The following EIF2A variants were observed in gnomAD, a reference collection of about 807,000 sequenced individuals.
EIF2A encodes eukaryotic translation initiation factor 2A.
A neutral mutation model predicts 75.2 loss-of-function variants in EIF2A; 62 were observed. That is an observed-to-expected ratio of 0.82 (90% CI 0.67 to 1.02). The LOEUF (loss-of-function observed/expected upper bound fraction) is 1.02. Among genes scored for constraint, EIF2A ranks in the 50% least tolerant of loss-of-function variants. The pLI is 0.00. For missense variants in EIF2A, 611 were observed against 677.7 expected, an observed-to-expected ratio of 0.90 and a Z score of 1.09; for synonymous variants, 207 against 239.0, an observed-to-expected ratio of 0.87 and a Z score of 1.23.
At chr3:150,574,317 C>T (rs1016449113) in intron 10 of EIF2A, among the ~76,000 whole-genome samples, 1 of 152,010 alleles carries the variant, frequency 6.6e-6, no homozygotes, top group Non-Finnish European at 1.5e-5. Context: ...GGATTTTTTT[C>T]GTCTCAAGTG....
At chr3:150,563,762 A>C (rs1229821666) in intron 5 of EIF2A, 148 bp downstream of exon 5, 2 of 645,760 alleles carry the variant, frequency 3.1e-6, no homozygotes, top group Non-Finnish European at 5.1e-6. Context: ...GGAATGTAAT[A>C]GAGCAAAAAC....
At chr3:150,551,158 G>A (rs923584190) in intron 1 of EIF2A, among the ~76,000 whole-genome samples, 1 of 152,124 alleles carries the variant, frequency 6.6e-6, no homozygotes, top group South Asian at 2.1e-4. Flanking sequence ...CCATTTTTAG[G>A]TTAAAACTCT....
intron 12 of EIF2A, 117 bp from the exon 13 acceptor site, chr3:150,583,083 G>T: frequency 1.2e-6 from 1 of 849,230 alleles, no homozygotes; most frequent in Non-Finnish European, 1.8e-6. Context: ...ACAGACCATT[G>T]TTGATACAAA....
intron 1 of EIF2A, among the ~76,000 whole-genome samples, chr3:150,550,520 A>G (rs1723263380): frequency 6.6e-6 from 1 of 152,188 alleles, no homozygotes; most frequent in Non-Finnish European, 1.5e-5. Context: ...TTTAATAGAA[A>G]AACTAATTAA....
At chr3:150,551,637 A>C (rs1723321786) in intron 1 of EIF2A, among the ~76,000 whole-genome samples, 1 of 151,976 alleles carries the variant, frequency 6.6e-6, no homozygotes, top group Admixed American at 6.6e-5. Flanking sequence ...CTGAGCCAGG[A>C]GCATCACTTA....
intron 3 of EIF2A, among the ~76,000 whole-genome samples, chr3:150,559,708 C>G (rs1156370163): frequency 1.3e-5 from 2 of 152,148 alleles, no homozygotes; most frequent in Admixed American, 6.5e-5. Context: ...TCAGGCTGGT[C>G]TCTAACTCCT....
intron 3 of EIF2A, among the ~76,000 whole-genome samples, chr3:150,559,380 TA>T (rs200373102): frequency 0.015 from 2,213 of 152,248 alleles, 54 homozygotes; most frequent in African/African-American, 0.051. Flanking sequence ...TCAATTTTAA[TA>T]GAGACAGGGT....
At chr3:150,569,892 C>T (rs1158759247) in intron 9 of EIF2A, among the ~76,000 whole-genome samples, 1 of 151,702 alleles carries the variant, frequency 6.6e-6, no homozygotes, top group Non-Finnish European at 1.5e-5. Flanking sequence ...ACTGATAAAT[C>T]AGTGGAAGAG....
Position 150,572,354 on chromosome 3 carries a change from C to T in EIF2A, c.1208C>T (p.Pro403Leu). The change falls in exon 10 of 14, where the codon CCA (proline) becomes CTA (leucine). Residue 403 changes from proline to leucine, a missense_variant. Coordinates refer to ENST00000460851, the MANE Select transcript of EIF2A (RefSeq NM_032025.5). Reference sequence around the variant, plus strand: ...TCTATCTTGCACAAGTATGATGTGCCATCAAATGCAGAATTATGGCAGGTT... The same window carrying T: ...TCTATCTTGCACAAGTATGATGTGCTATCAAATGCAGAATTATGGCAGGTT... ...TGSILHKYDV[P>L]SNAELWQVSW... 1 of 1,613,930 alleles carries T rather than the reference C, an allele frequency of 6.2e-7. No homozygotes were observed. Among genetic ancestry groups the T allele is most frequent in the Non-Finnish European group, 8.5e-7 (1 of 1,179,880 alleles).
chr3:150,583,008 T>G, intron 12 of EIF2A, 192 bp from the exon 13 acceptor site: 3 of 550,680 alleles, frequency 5.4e-6, no homozygotes, highest in Non-Finnish European at 9.5e-6. Flanking sequence ...TTTTGCCAAA[T>G]CTCATGTTTT....
chr3:150,557,734 T>A, intron 2 of EIF2A: 1 of 351,800 alleles, frequency 2.8e-6, no homozygotes, highest in Non-Finnish European at 5.6e-6. Flanking sequence ...ATCTATAAAC[T>A]GAGTGTAAGC....
chr3:150,546,955 G>C (rs1226734917), intron 1 of EIF2A, 125 bp downstream of exon 1: 5 of 1,362,944 alleles, frequency 3.7e-6, no homozygotes, highest in Non-Finnish European at 5.0e-6. Context: ...TTGCGGAAAG[G>C]CCAGACTGTT....
chr3:150,573,903 C>G (rs1196001984), intron 10 of EIF2A, among the ~76,000 whole-genome samples: 2 of 151,852 alleles, frequency 1.3e-5, no homozygotes, highest in African/African-American at 4.8e-5. Context: ...CCAAAAAAAC[C>G]TTCACCTTTT....
chr3:150,555,133 T>G (rs1431687260), intron 2 of EIF2A, among the ~76,000 whole-genome samples: 2 of 152,056 alleles, frequency 1.3e-5, no homozygotes, highest in African/African-American at 4.8e-5. Context: ...CTCACTATGT[T>G]GCCCAGGCTG....
chr3:150,572,636 C>A (rs1724604316), intron 10 of EIF2A, 107 bp downstream of exon 10: 3 of 1,108,782 alleles, frequency 2.7e-6, no homozygotes, highest in Non-Finnish European at 3.8e-6. Flanking sequence ...GGGAGGATCA[C>A]TTGAGGTCAG....
At chr3:150,583,315 C>A in intron 13 of EIF2A, 50 bp downstream of exon 13, 1 of 1,543,032 alleles carries the variant, frequency 6.5e-7, no homozygotes, top group South Asian at 1.2e-5. Flanking sequence ...CAGCCTTCCC[C>A]CTTTTATTAT....
In EIF2A at chr3:150,572,212, G is replaced by A. The variant is rs191627617; in HGVS notation, c.1066G>A (p.Val356Met). 9 of 1,613,894 alleles carry A rather than the reference G, an allele frequency of 5.6e-6. No individual in the cohort carries two copies. The East Asian group carries it at 2.0e-4, about 36-fold the overall frequency. The change falls in exon 10 of 14, where the codon GTG becomes ATG. Residue 356 changes from valine (V) to methionine (M), a missense_variant. Physicochemically the swap from Val to Met is conservative, Grantham distance 21 (BLOSUM62 1). Transcript: ENST00000460851. Reference protein sequence around the residue: ...VKNYKLISKPVASDSTYFAWC... With the variant: ...VKNYKLISKPMASDSTYFAWC... ...AAACTACAAACTTATTTCTAAACCG[G>A]TGGCTTCTGATTCTACATATTTTGC...
intron 10 of EIF2A, among the ~76,000 whole-genome samples, chr3:150,575,018 AGTT>A (rs1411054608): frequency 6.6e-6 from 1 of 152,226 alleles, no homozygotes; most frequent in East Asian, 1.9e-4. Flanking sequence ...TGTGGAATAT[AGTT>A]GTTACATGGT....
chr3:150,562,059 CT>C (rs370141701), intron 3 of EIF2A, among the ~76,000 whole-genome samples: 9 of 150,620 alleles, frequency 6.0e-5, no homozygotes, highest in African/African-American at 1.7e-4. Flanking sequence ...GCACCTGGCC[CT>C]TTTTTTTTGA....
Sources: allele counts gnomAD v4.1 joint callset (sites outside exome capture counted in the v4.1 genomes callset), GRCh38; gene constraint gnomAD v4.1.1; transcripts MANE v1.5; gene names NCBI Gene and HGNC (gene_info 2026-07-23, HGNC 2026-07-21).